The following SDF4 variants were observed in gnomAD, a reference collection of about 807,000 sequenced individuals.
The protein encoded by SDF4 is 45 kDa calcium-binding protein.
Under a neutral mutation model 34.2 loss-of-function variants are expected in SDF4, and 22 were observed. That is an observed-to-expected ratio of 0.64 (90% CI 0.46 to 0.92). SDF4 has a LOEUF of 0.92. Among genes scored for constraint, SDF4 ranks in the 40% least tolerant of loss-of-function variants. SDF4 has a pLI of 0.00. For missense variants in SDF4, 447 were observed against 499.9 expected (o/e 0.89, Z 1.01); for synonymous variants, 236 against 203.1 (o/e 1.16, Z -1.38).
At chr1:1,228,215 G>A (rs571027585) in intron 2 of SDF4, among the ~76,000 whole-genome samples, 7 of 152,338 alleles carry the variant, frequency 4.6e-5, no homozygotes, top group Non-Finnish European at 7.4e-5. Context: ...TCCTAGGGAC[G>A]GCCACACAGG....
At position 1,230,497 on chromosome 1, in the gene SDF4, G is replaced by A. The variant is rs1281405829; in HGVS notation, c.-175+1395C>T. Among the ~76,000 whole-genome samples, 4 of 150,388 alleles carry A rather than the reference G, an allele frequency of 2.7e-5. No individual in the cohort carries two copies. The East Asian group carries it at 7.8e-4, about 29-fold the overall frequency. The stretch of plus-strand genomic sequence containing the variant: ...TTTTTCTGAGACAGAGTCTCACTCT[G>A]TCGCCCAGGCTGGAGTGCAGTGGTG... On this transcript the variant is annotated intron_variant, in intron 1 of 6. Coordinates refer to ENST00000360001, the MANE Select transcript of SDF4 (RefSeq NM_016176.6).
chr1:1,220,005 TCTGCTCCACCGCAGCTC>T (rs1247402015), intron 4 of SDF4: 1 of 985,596 alleles, frequency 1.0e-6, no homozygotes, highest in African/African-American at 1.7e-5. Context: ...CCCCTCCCTG[TCTGCTCCACCGCAGCTC>T]CTGGGATGGA....
chr1:1,220,731 C>A (rs1475121550), intron 4 of SDF4: 2 of 1,289,110 alleles, frequency 1.6e-6, no homozygotes, highest in African/African-American at 1.5e-5. Flanking sequence ...GGGCCATGTC[C>A]TGGGCAGAAA....
intron 2 of SDF4, among the ~76,000 whole-genome samples, chr1:1,226,841 C>G (rs1020030166): frequency 1.3e-5 from 2 of 152,154 alleles, no homozygotes; most frequent in Non-Finnish European, 2.9e-5. Flanking sequence ...CAGCCCACCC[C>G]CAGCACCGGC....
chr1:1,227,562 C>T (rs1638350911), intron 2 of SDF4, among the ~76,000 whole-genome samples: 1 of 152,194 alleles, frequency 6.6e-6, no homozygotes, highest in South Asian at 2.1e-4. Flanking sequence ...GTTCTCTCAC[C>T]TGCACCTCGG....
rs1399065613 is a variant in SDF4, at chr1:1,218,322, G to A, written c.891+136C>T. 1.3e-5 allele frequency: 12 copies of A among 918,766 alleles called. No individual in the cohort carries two copies. Among genetic ancestry groups the A allele is most frequent in the South Asian group, 1.7e-5 (1 of 58,548 alleles). The allele number at this position is 918,766 out of a possible 1,614,324, so 56.9% of individuals were successfully genotyped here. On this transcript the variant is annotated intron_variant, in intron 6 of 6. Transcript: ENST00000360001. The surrounding 1 kb of genome is among the most constrained non-coding windows in gnomAD (Gnocchi z 7.9). Reference sequence around the variant, plus strand: ...GCCTGGTGGACACCGCTGAGCAAACGCCCCAGTGACCAGCCCAGATGGAGT... The same window carrying A: ...GCCTGGTGGACACCGCTGAGCAAACACCCCAGTGACCAGCCCAGATGGAGT...
intron 4 of SDF4, chr1:1,221,305 G>C (rs1471576488): frequency 6.3e-6 from 1 of 157,562 alleles, no homozygotes; most frequent in Non-Finnish European, 1.4e-5. Context: ...TGCAACCCCA[G>C]GACGGGGGGA....
intron 4 of SDF4, among the ~76,000 whole-genome samples, chr1:1,223,018 CAT>C (rs781765160): frequency 4.6e-5 from 7 of 152,052 alleles, no homozygotes; most frequent in Admixed American, 6.6e-5. Flanking sequence ...CACGCATACA[CAT>C]GTACTCACGA....
intron 4 of SDF4, chr1:1,219,263 C>T: frequency 8.4e-7 from 1 of 1,191,928 alleles, no homozygotes; most frequent in Non-Finnish European, 1.1e-6. Flanking sequence ...AGACACAGCC[C>T]AGACCCCCAG....
chr1:1,220,238 G>C (rs1345518925), intron 4 of SDF4: 4 of 1,025,346 alleles, frequency 3.9e-6, no homozygotes, highest in Non-Finnish European at 4.7e-6. Flanking sequence ...AGACCCTCCT[G>C]GATCAGGGAG....
intron 2 of SDF4, among the ~76,000 whole-genome samples, chr1:1,227,759 G>C (rs532192774): frequency 5.1e-4 from 78 of 152,308 alleles, no homozygotes; most frequent in African/African-American, 1.9e-3. Flanking sequence ...GAGTGGTCAG[G>C]TTGACCCATC....
Position 1,217,554 on chromosome 1 carries a change from G to C in SDF4, c.1026C>G (p.Ser342Arg). The C allele has an allele frequency of 6.2e-7, 1 of 1,613,094 alleles. No individual in the cohort carries two copies. Among genetic ancestry groups the C allele is most frequent in the Non-Finnish European group, 8.5e-7 (1 of 1,179,756 alleles). The change falls in exon 7 of 7, where the codon AGC (serine) becomes AGG (arginine). Residue 342 changes from serine to arginine, a missense_variant. By Grantham distance (110) the Ser-to-Arg change is moderately radical. Transcript: ENST00000360001. The surrounding 1 kb of genome is among the most constrained non-coding windows in gnomAD (Gnocchi z 8.5). ...VLKYSEFFTG[S>R]KLVDYARSVH... is the part of the protein sequence containing the mutation. The stretch of plus-strand genomic sequence containing the variant: ...CGCTGCGCGCGTAGTCCACCAGCTT[G>C]CTGCCCGTGAAGAACTCGCTGTACT...
intron 4 of SDF4, 188 bp downstream of exon 4, chr1:1,223,053 CACA>C (rs1484183430): frequency 1.2e-4 from 71 of 598,238 alleles, no homozygotes; most frequent in African/African-American, 1.5e-4. Context: ...CACACGTACA[CACA>C]ACATGCACAC....
Position 1,228,611 on chromosome 1 carries a change from G to A in SDF4, c.162C>T (p.His54=). ...CCATCTCCAGCTTCACCCCGTTCAG[G>A]TGGTCTGGGGGCAGGATCTCATTCT... The part of the protein sequence containing the change: ...REENEILPPD[H]LNGVKLEMDG... Residue 54 remains histidine, a synonymous_variant, in exon 2 of 7, where the codon CAC becomes CAT. Transcript: ENST00000360001. 6.2e-7 allele frequency: 1 copy of A among 1,613,252 alleles called. No homozygotes were observed.
intron 2 of SDF4, among the ~76,000 whole-genome samples, chr1:1,226,463 C>T (rs1419419595): frequency 6.6e-6 from 1 of 152,238 alleles, no homozygotes; most frequent in African/African-American, 2.4e-5. Flanking sequence ...AAACCTCCTA[C>T]CCAGCCCTTC....
rs931801291 is a variant in SDF4 at position 1,218,106 on chromosome 1, G to A, written c.891+352C>T. ...AAATTCCAGCCATGTGGCACAGGCC[G>A]CCCCGCCCACCTGCACCTGCTGGGC... On this transcript the variant is annotated intron_variant, in intron 6 of 6. Coordinates refer to ENST00000360001, the MANE Select transcript of SDF4 (RefSeq NM_016176.6). The surrounding 1 kb of genome is among the most constrained non-coding windows in gnomAD (Gnocchi z 7.9). Among the ~76,000 whole-genome samples the A allele has an allele frequency of 5.3e-5, 8 of 152,204 alleles. No homozygotes were observed. Among genetic ancestry groups the A allele is most frequent in the East Asian group, 1.9e-4 (1 of 5,186 alleles).
chr1:1,224,041 C>A, intron 2 of SDF4, 73 bp from the exon 3 acceptor site: 2 of 1,587,712 alleles, frequency 1.3e-6, no homozygotes, highest in Non-Finnish European at 1.7e-6. Flanking sequence ...ACGGATGCCG[C>A]CGGCCCAGGA....
intron 4 of SDF4, chr1:1,220,969 A>G (rs1649916820): frequency 2.8e-6 from 1 of 360,590 alleles, no homozygotes; most frequent in South Asian, 2.1e-5. Context: ...ATAACGTCCA[A>G]TTTGGCCGGG....
intron 4 of SDF4, chr1:1,219,512 T>C (rs1248749461): frequency 2.0e-6 from 2 of 993,322 alleles, no homozygotes; most frequent in Non-Finnish European, 2.4e-6. Context: ...TTCCGTTTCC[T>C]TCACGTGTGA....
Sources: allele counts gnomAD v4.1 joint callset (sites outside exome capture counted in the v4.1 genomes callset), GRCh38; gene constraint gnomAD v4.1.1; non-coding constraint Gnocchi (gnomAD v3.1); transcripts MANE v1.5; gene names NCBI Gene and HGNC (gene_info 2026-07-23, HGNC 2026-07-21).